ADAMTS6: variants seen among roughly 807,000 people sequenced by gnomAD.
ADAMTS6 encodes the protein A disintegrin and metalloproteinase with thrombospondin motifs 6.
In ADAMTS6, 23 loss-of-function variants were observed where a neutral mutation model predicts 144.3. That is an observed-to-expected ratio of 0.16 (90% CI 0.11 to 0.23). The LOEUF is 0.23. Ranked by LOEUF, ADAMTS6 falls within the 10% of genes least tolerant of loss-of-function variation. The probability of loss-of-function intolerance (pLI) is 1.00; values close to 1 mark genes in which losing one functional copy is unlikely to be tolerated. For missense variants in ADAMTS6, 999 were observed against 1,379.6 expected (o/e 0.72, Z 4.37); for synonymous variants, 444 against 457.5 (o/e 0.97, Z 0.38).
chr5:65,460,353 A>C lies in ADAMTS6; in HGVS notation c.463-15T>G. 2 of 1,576,378 alleles carry C rather than the reference A, an allele frequency of 1.3e-6. No individual in the cohort carries two copies. The highest frequency in any genetic ancestry group is 1.7e-6 in the Non-Finnish European group (2 of 1,162,772). ...ATAACACCATGCTAAAAGAAAAATA[A>C]ACAAAGAACTTACCAAAGAGAATCA... On this transcript the variant is annotated splice_polypyrimidine_tract_variant and intron_variant, in intron 3 of 24. Coordinates refer to ENST00000381055, the MANE Select transcript of ADAMTS6 (RefSeq NM_197941.4).
intron 15 of ADAMTS6, among the ~76,000 whole-genome samples, chr5:65,233,752 C>G (rs943914058): frequency 6.6e-6 from 1 of 151,908 alleles, no homozygotes; most frequent in Middle Eastern, 3.2e-3. Flanking sequence ...ATTCCAATGA[C>G]GTTTTTCACA....
At chr5:65,444,643 A>T (rs1758120609) in intron 7 of ADAMTS6, among the ~76,000 whole-genome samples, 1 of 152,214 alleles carries the variant, frequency 6.6e-6, no homozygotes. Flanking sequence ...CATATTGTTA[A>T]GATGTCAGTT....
At chr5:65,310,725 G>A (rs1345326230) in intron 9 of ADAMTS6, among the ~76,000 whole-genome samples, 1 of 152,116 alleles carries the variant, frequency 6.6e-6, no homozygotes, top group Non-Finnish European at 1.5e-5. Context: ...AGAACTAGTG[G>A]TATTTAAAGA....
chr5:65,293,524 A>G (rs2112769248), intron 10 of ADAMTS6, among the ~76,000 whole-genome samples: 1 of 152,228 alleles, frequency 6.6e-6, no homozygotes, highest in African/African-American at 2.4e-5. Flanking sequence ...AGAACTGTGT[A>G]GATCCCAAAG....
intron 4 of ADAMTS6, among the ~76,000 whole-genome samples, chr5:65,457,216 G>C (rs980913153): frequency 6.6e-6 from 1 of 152,128 alleles, no homozygotes; most frequent in Admixed American, 6.6e-5. Context: ...CAGATATAGG[G>C]GACAGATTTT....
At chr5:65,439,654 G>A (rs1371587135) in intron 7 of ADAMTS6, among the ~76,000 whole-genome samples, 1 of 152,154 alleles carries the variant, frequency 6.6e-6, no homozygotes, top group Non-Finnish European at 1.5e-5. Flanking sequence ...AGGTTAGTTA[G>A]TGGCCTGAGG....
At chr5:65,291,197 G>T in intron 11 of ADAMTS6, 132 bp downstream of exon 11, 3 of 1,010,406 alleles carry the variant, frequency 3.0e-6, no homozygotes, top group East Asian at 2.7e-5. Context: ...CAGAAAAACT[G>T]CAGTGTCAAA....
At chr5:65,198,788 A>T (rs1469465465) in intron 20 of ADAMTS6, 1 of 161,502 alleles carries the variant, frequency 6.2e-6, no homozygotes, top group African/African-American at 2.4e-5. Context: ...TTCCCTCCCA[A>T]CCCCTAAAAT....
At chr5:65,333,991 CT>C in intron 8 of ADAMTS6, 50 bp downstream of exon 8, 1 of 1,176,376 alleles carries the variant, frequency 8.5e-7, no homozygotes, top group Non-Finnish European at 1.1e-6. Context: ...ACCATTCTAC[CT>C]TTATTAAAAA....
chr5:65,403,707 G>C (rs985924453), intron 7 of ADAMTS6, among the ~76,000 whole-genome samples: 10 of 152,016 alleles, frequency 6.6e-5, no homozygotes, highest in African/African-American at 2.4e-4. Context: ...AAAATAGCAA[G>C]ACATCAAGTT....
chr5:65,428,734 G>A (rs1756759984), intron 7 of ADAMTS6, among the ~76,000 whole-genome samples: 1 of 152,164 alleles, frequency 6.6e-6, no homozygotes, highest in Non-Finnish European at 1.5e-5. Flanking sequence ...TTTCTAGAGC[G>A]TTTATCTGGG....
intron 7 of ADAMTS6, among the ~76,000 whole-genome samples, chr5:65,401,174 TA>T (rs1369476839): frequency 6.6e-6 from 1 of 152,174 alleles, no homozygotes; most frequent in Non-Finnish European, 1.5e-5. Context: ...AATGTGGTGA[TA>T]AGGTGTGGGG....
At chr5:65,378,831 CAA>C (rs1386341344) in intron 7 of ADAMTS6, among the ~76,000 whole-genome samples, 1 of 152,052 alleles carries the variant, frequency 6.6e-6, no homozygotes, top group African/African-American at 2.4e-5. Context: ...CTCTTGAAGA[CAA>C]AGTCATTCTC....
chr5:65,151,899 C>T lies in ADAMTS6; in HGVS notation c.3291G>A (p.Lys1097=). The change falls in exon 25 of 25, where the codon AAG becomes AAA. Residue 1097 remains lysine (K), a synonymous_variant. Transcript: ENST00000381055. ...NKVAYCPLVL[K]FKFCSRAYFR... is the part of the protein sequence containing the mutation. ...AGTATGCTCGACTGCAGAACTTGAA[C>T]TTCAGCACCAGTGGGCAATAAGCCA... The T allele has an allele frequency of 6.2e-7, 1 of 1,613,982 alleles. No individual in the cohort carries two copies. Among genetic ancestry groups the T allele is most frequent in the Non-Finnish European group, 8.5e-7 (1 of 1,179,856 alleles).
intron 10 of ADAMTS6, among the ~76,000 whole-genome samples, chr5:65,298,643 T>C (rs1286885953): frequency 6.6e-6 from 1 of 152,210 alleles, no homozygotes; most frequent in Non-Finnish European, 1.5e-5. Context: ...TAGGCAAGTA[T>C]AATCTTATAA....
chr5:65,415,452 G>A (rs1755426393), intron 7 of ADAMTS6: 1 of 173,668 alleles, frequency 5.8e-6, no homozygotes, highest in Non-Finnish European at 1.2e-5. Flanking sequence ...CTGAGGCCAA[G>A]GTCATGGCCA....
chr5:65,389,000 G>A (rs1036705464), intron 7 of ADAMTS6, among the ~76,000 whole-genome samples: 6 of 152,154 alleles, frequency 3.9e-5, no homozygotes, highest in South Asian at 4.1e-4. Context: ...GAGGTCAGGA[G>A]ATCGAGACCA....
intron 10 of ADAMTS6, among the ~76,000 whole-genome samples, chr5:65,294,508 C>A: frequency 6.6e-6 from 1 of 152,254 alleles, no homozygotes; most frequent in East Asian, 1.9e-4. Flanking sequence ...CTGCATCTGG[C>A]CTATATTTTA....
At chr5:65,368,299 C>G (rs964180450) in intron 7 of ADAMTS6, among the ~76,000 whole-genome samples, 5 of 152,186 alleles carry the variant, frequency 3.3e-5, no homozygotes, top group African/African-American at 1.2e-4. Context: ...TGATGCTATT[C>G]AAAGCACACT....
Sources: gnomAD v4.1 joint callset for allele counts (sites outside exome capture counted in the v4.1 genomes callset) on GRCh38, gnomAD v4.1.1 for gene constraint, MANE v1.5 for transcripts, NCBI Gene and HGNC (gene_info 2026-07-23, HGNC 2026-07-21) for gene names.